Variants in RNF38 observed in about 807,000 individuals in gnomAD.
RNF38 encodes ring finger protein 38.
RNF38 carries 15 observed loss-of-function variants against 67.2 expected under a neutral mutation model. The ratio of observed to expected loss-of-function variants is 0.22; its 90% CI spans 0.15 to 0.34. The LOEUF is 0.34. Ranked by LOEUF, RNF38 falls within the 10% of genes least tolerant of loss-of-function variation. RNF38 has a pLI of 1.00. For synonymous variants in RNF38, 220 were observed against 218.8 expected (o/e 1.01, Z -0.05); for missense variants, 524 against 639.9 (o/e 0.82, Z 1.95).
upstream of RNF38, among the ~76,000 whole-genome samples, chr9:36,405,588 G>C (rs983586579): frequency 2.6e-5 from 4 of 152,202 alleles, no homozygotes; most frequent in Non-Finnish European, 5.9e-5. Flanking sequence ...CTATTCTCTA[G>C]AAGTGTTTCT....
chr9:36,342,690 G>A (rs1832937921), intron 10 of RNF38, among the ~76,000 whole-genome samples: 1 of 152,082 alleles, frequency 6.6e-6, no homozygotes, highest in Non-Finnish European at 1.5e-5. Context: ...AATGGTATTA[G>A]AACTGGATGT....
intron 4 of RNF38, among the ~76,000 whole-genome samples, chr9:36,369,207 C>T (rs1835188992): frequency 6.6e-6 from 1 of 152,192 alleles, no homozygotes; most frequent in Non-Finnish European, 1.5e-5. Flanking sequence ...ATCAAGCATA[C>T]ATGAATTCAT....
At chr9:36,401,242 C>A (rs1031609284), upstream of RNF38, 1 of 981,658 alleles carries the variant, frequency 1.0e-6, no homozygotes, top group African/African-American at 1.8e-5. Flanking sequence ...GCCCGGCGCA[C>A]GACTCGGACC....
At chr9:36,386,015 G>A (rs149969792) in intron 2 of RNF38, among the ~76,000 whole-genome samples, 5 of 152,260 alleles carry the variant, frequency 3.3e-5, no homozygotes, top group Admixed American at 6.5e-5. Context: ...GTCCAATCCC[G>A]AAGCAGTGAT....
chr9:36,393,753 T>C lies in RNF38; in HGVS notation c.13-3137A>G, dbSNP rs535679807. On this transcript the variant is annotated intron_variant, in intron 1 of 11. Coordinates refer to ENST00000259605, the MANE Select transcript of RNF38 (RefSeq NM_022781.5). ...ATCCTGGGTGAGCCTGGGCATGACT[T>C]AATCAGAGAAAGCAGAACTGAGTCC... Among the ~76,000 whole-genome samples the C allele has an allele frequency of 3.3e-5, 5 of 152,220 alleles. No homozygotes were observed. In the East Asian group the frequency reaches 9.7e-4, roughly 29 times the overall value.
At chr9:36,487,077 T>C (rs1463810211) in intron 1 of RNF38, among the ~76,000 whole-genome samples, 1 of 152,184 alleles carries the variant, frequency 6.6e-6, no homozygotes, top group African/African-American at 2.4e-5. Context: ...AGAGAGGTCC[T>C]GCCCTGCACA....
At chr9:36,397,921 A>G (rs1056923027) in intron 1 of RNF38, among the ~76,000 whole-genome samples, 9 of 152,150 alleles carry the variant, frequency 5.9e-5, no homozygotes, top group Non-Finnish European at 1.3e-4. Context: ...CTAGACCACA[A>G]AAGTCCAAAC....
At chr9:36,415,221 G>C (rs1020200978) in intron 2 of RNF38, among the ~76,000 whole-genome samples, 2 of 152,040 alleles carry the variant, frequency 1.3e-5, no homozygotes, top group Non-Finnish European at 2.9e-5. Flanking sequence ...CAAACTTATT[G>C]GAGGCTTTAT....
chr9:36,445,738 GT>G (rs1400077740), intron 1 of RNF38, among the ~76,000 whole-genome samples: 2 of 152,204 alleles, frequency 1.3e-5, no homozygotes, highest in Non-Finnish European at 2.9e-5. Flanking sequence ...CCTTACTCCA[GT>G]TTTTCAATCT....
rs115065670 is a variant in RNF38 at position 36,448,388 on chromosome 9, A to T, written n.242-23705T>A. ...TTGAAAAACGAACCTCACAATTATC[A>T]TCAGGAAAAAGAAAACAAGGGAAAC... is the stretch of plus-strand genomic sequence containing the variant. On this transcript the variant is annotated intron_variant and non_coding_transcript_variant, in intron 1 of 3. Transcript: ENST00000488058. Among the ~76,000 whole-genome samples the T allele has an allele frequency of 5.2e-3, 794 of 152,348 alleles. 10 individuals carry two copies. The highest frequency in any genetic ancestry group is 0.018 in the African/African-American group (755 of 41,576).
At chr9:36,451,030 T>C (rs532708657) in intron 1 of RNF38, among the ~76,000 whole-genome samples, 2 of 152,344 alleles carry the variant, frequency 1.3e-5, no homozygotes, top group East Asian at 1.9e-4. Flanking sequence ...TAAATACGAC[T>C]GAACCTCTAA....
chr9:36,403,054 C>T (rs1399973021), upstream of RNF38, among the ~76,000 whole-genome samples: 1 of 152,146 alleles, frequency 6.6e-6, no homozygotes, highest in Non-Finnish European at 1.5e-5. Flanking sequence ...CCCATATTGG[C>T]CTCCCAGAAT....
intron 4 of RNF38, among the ~76,000 whole-genome samples, chr9:36,369,254 T>C (rs1835194427): frequency 6.6e-6 from 1 of 152,226 alleles, no homozygotes; most frequent in South Asian, 2.1e-4. Context: ...TTTTTTAATT[T>C]TTTGAGACGA....
intron 1 of RNF38, among the ~76,000 whole-genome samples, chr9:36,432,401 G>A (rs1397033368): frequency 6.6e-6 from 1 of 152,026 alleles, no homozygotes; most frequent in African/African-American, 2.4e-5. Flanking sequence ...CCAAAGTGCT[G>A]GGATTACAGG....
intron 2 of RNF38, among the ~76,000 whole-genome samples, chr9:36,406,887 C>T (rs890591613): frequency 7.2e-5 from 11 of 152,132 alleles, no homozygotes; most frequent in African/African-American, 2.2e-4. Flanking sequence ...CTGGGCCGGG[C>T]GCGGTGGCTC....
At chr9:36,396,231 T>C (rs1837500915) in intron 1 of RNF38, among the ~76,000 whole-genome samples, 1 of 152,212 alleles carries the variant, frequency 6.6e-6, no homozygotes, top group South Asian at 2.1e-4. Context: ...GTGTAACAAG[T>C]TTCTTAGAAA....
intron 1 of RNF38, among the ~76,000 whole-genome samples, chr9:36,395,766 A>G (rs1244922213): frequency 2.0e-5 from 3 of 152,236 alleles, no homozygotes; most frequent in African/African-American, 4.8e-5. Context: ...CCACAGCACA[A>G]TAATAGCGAC....
intron 4 of RNF38, among the ~76,000 whole-genome samples, chr9:36,359,390 G>T (rs1384729421): frequency 3.3e-5 from 5 of 151,816 alleles, no homozygotes; most frequent in Admixed American, 2.0e-4. Context: ...TATTCCAAAA[G>T]ACTTATTTTT....
intron 2 of RNF38, among the ~76,000 whole-genome samples, chr9:36,383,741 T>G (rs996488954): frequency 6.6e-6 from 1 of 152,150 alleles, no homozygotes; most frequent in African/African-American, 2.4e-5. Flanking sequence ...AAAGTTACCA[T>G]GTTGTTTTCA....
Sources: gnomAD v4.1 joint callset for allele counts (sites outside exome capture counted in the v4.1 genomes callset) on GRCh38, gnomAD v4.1.1 for gene constraint, MANE v1.5 for transcripts, NCBI Gene and HGNC (gene_info 2026-07-23, HGNC 2026-07-21) for gene names.